RNF144A: variants seen among roughly 807,000 people sequenced by gnomAD.
The protein encoded by RNF144A is ring finger protein 144A.
A neutral mutation model predicts 38.7 loss-of-function variants in RNF144A; 11 were observed. That is an observed-to-expected ratio of 0.28 (90% CI 0.18 to 0.47). The LOEUF is 0.47. RNF144A is among the 20% of genes least tolerant of loss of function. The pLI is 0.99. For missense variants in RNF144A, 316 were observed against 377.2 expected (o/e 0.84, Z 1.34); for synonymous variants, 149 against 143.9 (o/e 1.04, Z -0.25).
chr2:7,020,865 C>A, intron 6 of RNF144A, 185 bp downstream of exon 6: 2 of 607,180 alleles, frequency 3.3e-6, no homozygotes, highest in South Asian at 4.0e-5. Flanking sequence ...TTTTTGAGAA[C>A]TGACTATGTA....
At chr2:6,969,950 C>T (rs1428564161) in intron 2 of RNF144A, among the ~76,000 whole-genome samples, 3 of 152,046 alleles carry the variant, frequency 2.0e-5, no homozygotes, top group South Asian at 2.1e-4. Context: ...TTAGTAGAGA[C>T]GGGGTTTCAC....
At chr2:7,002,863 A>G (rs1019761185) in intron 3 of RNF144A, among the ~76,000 whole-genome samples, 1 of 152,174 alleles carries the variant, frequency 6.6e-6, no homozygotes, top group Non-Finnish European at 1.5e-5. Context: ...TGACAGCTCC[A>G]TGGTGTTACT....
chr2:6,956,099 T>A (rs1666979050), intron 2 of RNF144A, among the ~76,000 whole-genome samples: 1 of 152,198 alleles, frequency 6.6e-6, no homozygotes, highest in African/African-American at 2.4e-5. Context: ...AGGTGATCCC[T>A]CCTAACCCAT....
intron 3 of RNF144A, among the ~76,000 whole-genome samples, chr2:7,009,745 A>T (rs2103411997): frequency 6.6e-6 from 1 of 152,282 alleles, no homozygotes; most frequent in East Asian, 1.9e-4. Context: ...AAGGCTGTGC[A>T]GGAGGTCGTG....
intron 1 of RNF144A, among the ~76,000 whole-genome samples, chr2:6,919,593 G>A (rs1292104191): frequency 9.8e-6 from 1 of 102,086 alleles, no homozygotes; most frequent in Non-Finnish European, 2.3e-5. Flanking sequence ...TTGCGTGGAA[G>A]GGAAGGCATG....
intron 3 of RNF144A, among the ~76,000 whole-genome samples, chr2:7,008,725 G>C (rs895863782): frequency 3.3e-5 from 5 of 152,184 alleles, no homozygotes; most frequent in African/African-American, 1.2e-4. Context: ...TCTCTTCCTC[G>C]TATAAGGAGA....
At position 7,042,583 on chromosome 2, in the gene RNF144A, T is replaced by A. The variant is rs895265369; in HGVS notation, c.*2823T>A. 32 of 985,456 alleles carry A rather than the reference T, an allele frequency of 3.2e-5. No individual in the cohort carries two copies. The highest frequency in any genetic ancestry group is 3.5e-5 in the Non-Finnish European group (29 of 830,050). The allele number at this position is 985,456 out of a possible 1,614,324, so 61.0% of individuals were successfully genotyped here. ...TGGACCTGTGGCTTCTCTGAGGCCC[T>A]TGAGTAACTGACCACATTTGGAGGT... On this transcript the variant is annotated 3_prime_UTR_variant, in exon 9 of 9. Transcript: ENST00000320892.
In RNF144A at chr2:6,962,542, C is replaced by G. The variant is rs1365431916; in HGVS notation, c.-12+21395C>G. On this transcript the variant is annotated intron_variant, in intron 2 of 8. Transcript: ENST00000320892. The surrounding 1 kb of genome is among the most constrained non-coding windows in gnomAD (Gnocchi z 4.1). ...TTGATCTCATAATTTCTTTCTACCT[C>G]CCATATCAAAACTTTGTGCTATTTA... Among the ~76,000 whole-genome samples the G allele has an allele frequency of 1.3e-5, 2 of 152,186 alleles. No individual in the cohort carries two copies. Among genetic ancestry groups the G allele is most frequent in the Non-Finnish European group, 2.9e-5 (2 of 68,038 alleles).
intron 8 of RNF144A, among the ~76,000 whole-genome samples, chr2:7,037,729 T>C (rs1672773503): frequency 6.6e-6 from 1 of 152,280 alleles, no homozygotes; most frequent in African/African-American, 2.4e-5. Flanking sequence ...AGTCGAGGTA[T>C]ACTTTGTTCC....
At chr2:7,061,992 A>T (rs146115320) in intron 6 of RNF144A, among the ~76,000 whole-genome samples, 87 of 152,334 alleles carry the variant, frequency 5.7e-4, no homozygotes, top group Middle Eastern at 3.4e-3. Context: ...TGCTTAAAAC[A>T]CTGAGCATTT....
chr2:7,023,053 G>A (rs992952831), intron 6 of RNF144A, among the ~76,000 whole-genome samples: 6 of 152,158 alleles, frequency 3.9e-5, no homozygotes, highest in Non-Finnish European at 5.9e-5. Flanking sequence ...CCTCACAACC[G>A]TCTGTAGAGA....
intron 6 of RNF144A, among the ~76,000 whole-genome samples, chr2:7,053,459 G>T (rs530536296): frequency 6.6e-5 from 10 of 152,296 alleles, no homozygotes; most frequent in African/African-American, 2.4e-4. Context: ...TCATCTGGAG[G>T]CTCAATGGGG....
chr2:7,025,428 C>T (rs563489869), intron 7 of RNF144A, among the ~76,000 whole-genome samples: 2 of 152,348 alleles, frequency 1.3e-5, no homozygotes, highest in South Asian at 4.1e-4. Flanking sequence ...ATTCCCAGCA[C>T]TTTGGGAGGC....
chr2:7,045,886 C>G (rs1430818456), downstream of RNF144A, among the ~76,000 whole-genome samples: 1 of 134,994 alleles, frequency 7.4e-6, no homozygotes, highest in Non-Finnish European at 1.6e-5. Flanking sequence ...TGAAGCGGGC[C>G]TGGAATGTAG....
At chr2:6,979,615 G>A (rs1366221747) in intron 2 of RNF144A, among the ~76,000 whole-genome samples, 2 of 152,062 alleles carry the variant, frequency 1.3e-5, no homozygotes, top group Non-Finnish European at 2.9e-5. Context: ...CTTTGGTGGG[G>A]GACCAGAAGT....
chr2:6,972,918 C>A (rs1185221184), intron 2 of RNF144A, among the ~76,000 whole-genome samples: 1 of 152,128 alleles, frequency 6.6e-6, no homozygotes, highest in Non-Finnish European at 1.5e-5. Flanking sequence ...CCAGTGAAGC[C>A]CAAGAGATGG....
chr2:7,032,191 C>T (rs899636614), intron 8 of RNF144A, among the ~76,000 whole-genome samples: 2 of 151,732 alleles, frequency 1.3e-5, no homozygotes, highest in Admixed American at 6.6e-5. Flanking sequence ...CTTGAATCCA[C>T]GCCCCTTGCA....
chr2:7,009,109 A>G (rs1670634732), intron 3 of RNF144A, among the ~76,000 whole-genome samples: 1 of 152,192 alleles, frequency 6.6e-6, no homozygotes, highest in Non-Finnish European at 1.5e-5. Flanking sequence ...CACCCTCCAC[A>G]TGGGTGACAG....
intron 1 of RNF144A, among the ~76,000 whole-genome samples, chr2:6,922,919 C>G (rs933109630): frequency 6.6e-6 from 1 of 152,308 alleles, no homozygotes; most frequent in East Asian, 1.9e-4. Context: ...CCACCGCGCC[C>G]GGCCTCCTGC....
Sources: gnomAD v4.1 joint callset for allele counts (sites outside exome capture counted in the v4.1 genomes callset) on GRCh38, gnomAD v4.1.1 for gene constraint, Gnocchi (gnomAD v3.1) non-coding constraint, MANE v1.5 for transcripts, NCBI Gene and HGNC (gene_info 2026-07-23, HGNC 2026-07-21) for gene names.